The following THADA variants were observed in gnomAD, a reference collection of about 807,000 sequenced individuals.
THADA encodes the protein tRNA (32-2'-O)-methyltransferase regulator THADA.
Under a neutral mutation model 219.8 loss-of-function variants are expected in THADA, and 213 were observed. The observed-to-expected ratio is 0.97, with a 90% CI of 0.87 to 1.09. THADA has a LOEUF of 1.09. Ranked by LOEUF, THADA falls within the 50% of genes least tolerant of loss-of-function variation. The pLI, the probability that THADA is intolerant of heterozygous loss-of-function variation, is 0.00. For missense variants in THADA, 2,956 were observed against 2,311.3 expected (o/e 1.28, Z -5.72); for synonymous variants, 1,018 against 828.9 (o/e 1.23, Z -3.92).
At chr2:43,551,589 A>T (rs1179925286) in intron 19 of THADA, among the ~76,000 whole-genome samples, 200 bp downstream of exon 19, 6 of 135,144 alleles carry the variant, frequency 4.4e-5, no homozygotes, top group African/African-American at 1.1e-4. Flanking sequence ...TGGTTTGGGA[A>T]TTTTTTTTTT....
chr2:43,391,035 T>TA lies in THADA; in HGVS notation c.4227+6935dup, dbSNP rs1673314027. On this transcript the variant is annotated intron_variant, in intron 29 of 37. Coordinates refer to ENST00000405975, the MANE Select transcript of THADA (RefSeq NM_022065.5). Reference sequence around the variant, plus strand: ...TTGCTTTTTACCATTTAATCTTGCATAACTTTAGTGAAATCGCACAACCCC... The same window carrying TA: ...TTGCTTTTTACCATTTAATCTTGCATAAACTTTAGTGAAATCGCACAACCCC... Among the ~76,000 whole-genome samples the TA allele has an allele frequency of 2.0e-5, 3 of 152,160 alleles. No homozygotes were observed. The South Asian group carries it at 6.2e-4, about 32-fold the overall frequency.
intron 25 of THADA, chr2:43,486,784 GCCA>G (rs1558839840): frequency 3.3e-5 from 5 of 152,146 alleles, no homozygotes; most frequent in African/African-American, 1.2e-4. Flanking sequence ...TTCAAGAGAA[GCCA>G]GGAACCCTGG....
At chr2:43,586,776 C>G in intron 5 of THADA, 42 bp from the exon 6 acceptor site, 1 of 1,610,296 alleles carries the variant, frequency 6.2e-7, no homozygotes, top group Non-Finnish European at 8.5e-7. Flanking sequence ...GTTTCACGAC[C>G]AAAATCAATG....
At chr2:43,587,034 CA>C in intron 4 of THADA, 32 bp from the exon 5 acceptor site, 1 of 1,593,516 alleles carries the variant, frequency 6.3e-7, no homozygotes. Context: ...AAAAATCTGA[CA>C]ATCTAATAGC....
intron 26 of THADA, among the ~76,000 whole-genome samples, chr2:43,441,817 A>G (rs1056033135): frequency 6.6e-6 from 1 of 152,218 alleles, no homozygotes; most frequent in Non-Finnish European, 1.5e-5. Context: ...GAATCCTAGA[A>G]TAGGTGAGTC....
At position 43,574,450 on chromosome 2, in the gene THADA, A is replaced by G; in HGVS notation, c.1615T>C (p.Leu539=). The G allele has an allele frequency of 5.6e-6, 9 of 1,613,186 alleles. No homozygotes were observed. Among genetic ancestry groups the G allele is most frequent in the Non-Finnish European group, 7.6e-6 (9 of 1,179,468 alleles). ...PLLFILCEGN[L]DQKSYVIDYY... is the part of the protein sequence containing the mutation. ...TCAATCACGTAAGATTTTTGATCCA[A>G]GTTTCCTTCACACAATATAAAAAGG... Residue 539 remains leucine (L), a synonymous_variant, in exon 11 of 38, where the codon TTG becomes CTG. Coordinates refer to ENST00000405975, the MANE Select transcript of THADA (RefSeq NM_022065.5).
intron 25 of THADA, among the ~76,000 whole-genome samples, chr2:43,494,371 C>T (rs1688011185): frequency 6.6e-6 from 1 of 152,130 alleles, no homozygotes; most frequent in Non-Finnish European, 1.5e-5. Flanking sequence ...TAGTACCACT[C>T]AATAAAATGT....
intron 29 of THADA, among the ~76,000 whole-genome samples, chr2:43,393,390 A>G (rs1309719860): frequency 6.6e-6 from 1 of 152,208 alleles, no homozygotes; most frequent in African/African-American, 2.4e-5. Flanking sequence ...TAAAGAAAAT[A>G]GGAACACAGG....
At chr2:43,595,648 G>A (rs982775839) in intron 1 of THADA, 3 of 152,382 alleles carry the variant, frequency 2.0e-5, no homozygotes, top group South Asian at 2.1e-4. Context: ...CCCACTTACT[G>A]CTTCCCTTTA....
chr2:43,322,834 C>T (rs963326533), intron 30 of THADA, among the ~76,000 whole-genome samples: 9 of 151,310 alleles, frequency 5.9e-5, no homozygotes, highest in African/African-American at 1.2e-4. Flanking sequence ...TACAGGCGCC[C>T]GCCGCCACGC....
chr2:43,542,980 T>C (rs1222059507), intron 20 of THADA, among the ~76,000 whole-genome samples: 2 of 151,372 alleles, frequency 1.3e-5, no homozygotes, highest in Non-Finnish European at 2.9e-5. Flanking sequence ...ACTACTCATT[T>C]AGCATTAGGT....
chr2:43,586,670 C>G, intron 6 of THADA, 32 bp downstream of exon 6: 3 of 1,598,930 alleles, frequency 1.9e-6, no homozygotes, highest in Non-Finnish European at 2.6e-6. Context: ...AAGCCATCAA[C>G]TCATGGAACA....
At chr2:43,291,473 A>AAAAAAAAAAAAAAAAAAAAC (rs1558527804) in intron 34 of THADA, among the ~76,000 whole-genome samples, 5 of 146,850 alleles carry the variant, frequency 3.4e-5, no homozygotes, top group African/African-American at 1.0e-4. Context: ...AAAAAAAAAA[A>AAAAAAAAAAAAAAAAAAAAC]AAAAAAAAAT....
At chr2:43,542,701 G>C (rs1695482808) in intron 20 of THADA, among the ~76,000 whole-genome samples, 2 of 152,124 alleles carry the variant, frequency 1.3e-5, no homozygotes, top group African/African-American at 4.8e-5. Flanking sequence ...CCACATTGCT[G>C]GGAGAAGTTG....
rs1216411717 is a variant in THADA at position 43,485,230 on chromosome 2, T to C, written c.3836+4A>G. On this transcript the variant is annotated splice_donor_region_variant and intron_variant, in intron 26 of 37. Coordinates refer to ENST00000405975, the MANE Select transcript of THADA (RefSeq NM_022065.5). ...AAGTAAAGTTAGCCTTAAATGGAGC[T>C]TACCTATTTGTTTTGGAATGTTCAT... The C allele has an allele frequency of 6.2e-7, 1 of 1,605,554 alleles. No homozygotes were observed. The highest frequency in any genetic ancestry group is 1.7e-5 in the Admixed American group (1 of 59,632).
intron 36 of THADA, among the ~76,000 whole-genome samples, chr2:43,262,065 C>G (rs142540022): frequency 4.0e-4 from 61 of 152,310 alleles, no homozygotes; most frequent in Non-Finnish European, 7.1e-4. Context: ...TATTTTCAAC[C>G]ATTCCTTGTA....
intron 30 of THADA, among the ~76,000 whole-genome samples, chr2:43,321,215 C>T (rs2104464418): frequency 6.6e-6 from 1 of 152,290 alleles, no homozygotes; most frequent in Non-Finnish European, 1.5e-5. Context: ...AGGGCCTTGA[C>T]TCTTGAGTGT....
rs534470523 is a variant in THADA at position 43,548,717 on chromosome 2, C to T, written c.3106+493G>A. ...CTGGTGCGCTGTTTTTTAAGCCCGTCGGAAAAGTGCAGTATTAGGATGGCA... is the reference window on the plus strand; with the variant it reads ...CTGGTGCGCTGTTTTTTAAGCCCGTTGGAAAAGTGCAGTATTAGGATGGCA... On this transcript the variant is annotated intron_variant, in intron 20 of 37. Coordinates refer to ENST00000405975, the MANE Select transcript of THADA (RefSeq NM_022065.5). Among the ~76,000 whole-genome samples the T allele has an allele frequency of 3.1e-3, 469 of 151,846 alleles. 2 individuals carry two copies. The highest frequency in any genetic ancestry group is 6.2e-3 in the South Asian group (30 of 4,826).
intron 37 of THADA, among the ~76,000 whole-genome samples, 181 bp from the exon 38 acceptor site, chr2:43,231,524 C>T (rs1667416821): frequency 6.6e-6 from 1 of 152,206 alleles, no homozygotes; most frequent in Non-Finnish European, 1.5e-5. Flanking sequence ...AGGTCACCTT[C>T]TATTTTCACT....
Sources: allele counts gnomAD v4.1 joint callset (sites outside exome capture counted in the v4.1 genomes callset), GRCh38; gene constraint gnomAD v4.1.1; transcripts MANE v1.5; gene names NCBI Gene and HGNC (gene_info 2026-07-23, HGNC 2026-07-21).